SHOX: variants seen among roughly 807,000 people sequenced by gnomAD.
SHOX encodes SHOX homeobox.
In SHOX, 12 loss-of-function variants were observed where a neutral mutation model predicts 29.6. The observed-to-expected ratio is 0.41, with a 90% CI of 0.26 to 0.66. SHOX has a LOEUF of 0.66. SHOX is among the 30% of genes least tolerant of loss of function. SHOX has a pLI of 0.35. For synonymous variants in SHOX, 214 were observed against 200.6 expected (o/e 1.07, Z -0.57); for missense variants, 499 against 437.7 (o/e 1.14, Z -1.25).
intron 2 of SHOX, among the ~76,000 whole-genome samples, chrX:635,700 T>G (rs1486886492): frequency 6.6e-6 from 1 of 152,216 alleles, no homozygotes; most frequent in Non-Finnish European, 1.5e-5. Context: ...CTCCGCATTC[T>G]AAACATTCAC....
At chrX:636,967 TA>T (rs1423538707) in intron 2 of SHOX, among the ~76,000 whole-genome samples, 8 of 143,366 alleles carry the variant, frequency 5.6e-5, no homozygotes, top group Admixed American at 1.4e-4. Flanking sequence ...TATATATATA[TA>T]TATTTTGGCT....
At chrX:642,057 G>A (rs985598781) in intron 4 of SHOX, among the ~76,000 whole-genome samples, 6 of 152,172 alleles carry the variant, frequency 3.9e-5, no homozygotes, top group Non-Finnish European at 8.8e-5. Flanking sequence ...CCAGGGAGTC[G>A]GGGTTCGGTC....
chrX:633,507 A>C (rs1018458609), intron 1 of SHOX, among the ~76,000 whole-genome samples: 1 of 151,964 alleles, frequency 6.6e-6, no homozygotes, highest in Non-Finnish European at 1.5e-5. Flanking sequence ...CCTGGTGTGG[A>C]TCGTGGAAGG....
downstream of SHOX, among the ~76,000 whole-genome samples, chrX:654,761 T>C (rs1352949889): frequency 6.6e-6 from 1 of 152,094 alleles, no homozygotes; most frequent in Non-Finnish European, 1.5e-5. Flanking sequence ...CTCAGCTCAC[T>C]GTAATTTCTG....
At chrX:658,256 T>C (rs770526807) in intron 5 of SHOX, among the ~76,000 whole-genome samples, 1 of 152,116 alleles carries the variant, frequency 6.6e-6, no homozygotes, top group East Asian at 1.9e-4. Flanking sequence ...ATGACAGACA[T>C]GAGCCAGCAC....
downstream of SHOX, among the ~76,000 whole-genome samples, chrX:656,128 A>G (rs1166219680): frequency 2.2e-5 from 3 of 137,336 alleles, no homozygotes; most frequent in Non-Finnish European, 3.2e-5. Context: ...TCGGCAACAA[A>G]GTGAGACCCT....
At chrX:642,656 C>T (rs963910921) in intron 4 of SHOX, among the ~76,000 whole-genome samples, 2 of 152,188 alleles carry the variant, frequency 1.3e-5, no homozygotes. Flanking sequence ...GAAATTAGGC[C>T]GTTGGAGCCC....
At chrX:625,872 CTCTCTT>C (rs1277004886), upstream of SHOX, among the ~76,000 whole-genome samples, 126 of 119,838 alleles carry the variant, frequency 1.1e-3, 1 homozygote, top group African/African-American at 2.6e-3. Context: ...CTATCTCTGT[CTCTCTT>C]TCTCTCTCTC....
upstream of SHOX, chrX:630,567 T>C (rs1294841469): frequency 1.9e-5 from 9 of 467,990 alleles, no homozygotes; most frequent in South Asian, 1.3e-4. Context: ...GCGCTCTCCC[T>C]TCCAAAAATG....
upstream of SHOX, among the ~76,000 whole-genome samples, chrX:626,242 C>T (rs1457443654): frequency 1.3e-5 from 2 of 150,702 alleles, no homozygotes; most frequent in Admixed American, 6.6e-5. Context: ...GTCTCTCTTT[C>T]TCTCTCTCCT....
At chrX:627,596 G>A (rs1306148938), upstream of SHOX, among the ~76,000 whole-genome samples, 1 of 152,240 alleles carries the variant, frequency 6.6e-6, no homozygotes, top group Non-Finnish European at 1.5e-5. Context: ...CTTGTCTGCA[G>A]TGAGAATTAC....
intron 4 of SHOX, among the ~76,000 whole-genome samples, chrX:642,947 G>C (rs1339645775): frequency 6.6e-6 from 1 of 151,026 alleles, no homozygotes; most frequent in Non-Finnish European, 1.5e-5. Flanking sequence ...GAGAGGCTTG[G>C]AGACCTGGTG....
intron 1 of SHOX, among the ~76,000 whole-genome samples, chrX:633,658 G>A (rs1331960831): frequency 1.3e-5 from 2 of 152,126 alleles, no homozygotes; most frequent in East Asian, 1.9e-4. Flanking sequence ...CCAAATGTCA[G>A]CCCCTTACCC....
In SHOX at chrX:630,922, T is replaced by C; in HGVS notation, c.25T>C (p.Ser9Pro). ...CATGGAAGAGCTCACGGCTTTTGTA[T>C]CCAAGTCTTTTGACCAGAAAAGCAA... is the stretch of plus-strand genomic sequence containing the variant. MEELTAFV[S>P]KSFDQKSKDG... Residue 9 changes from serine (S) to proline (P), a missense_variant, in exon 1 of 5, where the codon TCC (serine) becomes CCC (proline). Coordinates refer to ENST00000686671, the MANE Select transcript of SHOX (RefSeq NM_000451.4). 6.2e-7 allele frequency: 1 copy of C among 1,613,630 alleles called. No individual in the cohort carries two copies. Among genetic ancestry groups the C allele is most frequent in the Non-Finnish European group, 8.5e-7 (1 of 1,179,834 alleles).
chrX:635,839 G>A (rs2052735790), intron 2 of SHOX, among the ~76,000 whole-genome samples: 1 of 139,766 alleles, frequency 7.2e-6, no homozygotes, highest in Admixed American at 7.6e-5. Context: ...GTTCTGGGCA[G>A]GACAGAAGTG....
intron 2 of SHOX, among the ~76,000 whole-genome samples, chrX:635,206 T>C (rs1394841566): frequency 1.3e-5 from 2 of 152,154 alleles, no homozygotes; most frequent in South Asian, 2.1e-4. Context: ...GGATTGGTTA[T>C]AGGGGCAACA....
intron 4 of SHOX, 95 bp downstream of exon 4, chrX:641,182 C>T: frequency 1.7e-6 from 2 of 1,186,282 alleles, no homozygotes; most frequent in Non-Finnish European, 2.5e-6. Flanking sequence ...CTCCTAGTCC[C>T]TCCCTGCCCC....
chrX:658,498 T>C (rs2053178342), intron 5 of SHOX, among the ~76,000 whole-genome samples: 1 of 145,390 alleles, frequency 6.9e-6, no homozygotes, highest in Non-Finnish European at 1.5e-5. Context: ...TGAGACGGAG[T>C]CTCGCTCTGT....
chrX:653,051 G>A (rs1243944584), downstream of SHOX, among the ~76,000 whole-genome samples: 2 of 152,056 alleles, frequency 1.3e-5, no homozygotes, highest in African/African-American at 2.4e-5. Flanking sequence ...GACCAGCCTG[G>A]CCAACACGGT....
Sources: allele counts gnomAD v4.1 joint callset (sites outside exome capture counted in the v4.1 genomes callset), GRCh38; gene constraint gnomAD v4.1.1; transcripts MANE v1.5; gene names NCBI Gene and HGNC (gene_info 2026-07-23, HGNC 2026-07-21).